The following DCC variants were observed in gnomAD, a reference collection of about 807,000 sequenced individuals.
DCC encodes netrin receptor DCC.
Under a neutral mutation model 172.5 loss-of-function variants are expected in DCC, and 58 were observed. That is an observed-to-expected ratio of 0.34 (90% CI 0.27 to 0.42). The LOEUF is 0.42. DCC is among the 10% of genes least tolerant of loss of function. DCC has a pLI of 1.00. For synonymous variants in DCC, 709 were observed against 644.5 expected (o/e 1.10, Z -1.52); for missense variants, 1,740 against 1,791.0 (o/e 0.97, Z 0.51).
chr18:53,158,760 G>C (rs1436513363), intron 8 of DCC, among the ~76,000 whole-genome samples: 1 of 152,042 alleles, frequency 6.6e-6, no homozygotes, highest in Non-Finnish European at 1.5e-5. Context: ...GGCAGGCTAA[G>C]TCAGGTGGCT....
chr18:52,968,522 G>T (rs1284133929), intron 5 of DCC, among the ~76,000 whole-genome samples: 1 of 152,022 alleles, frequency 6.6e-6, no homozygotes, highest in African/African-American at 2.4e-5. Context: ...AGGAGGCTCG[G>T]AGTCTCACTC....
chr18:52,484,662 A>C (rs562937421), intron 1 of DCC, among the ~76,000 whole-genome samples: 8 of 152,180 alleles, frequency 5.3e-5, no homozygotes, highest in African/African-American at 1.9e-4. Flanking sequence ...GCTAGGTACT[A>C]GTTCTTCTAT....
At chr18:53,281,641 A>G (rs1019471897) in intron 12 of DCC, among the ~76,000 whole-genome samples, 1 of 152,030 alleles carries the variant, frequency 6.6e-6, no homozygotes, top group Non-Finnish European at 1.5e-5. Context: ...ACTGGCTCAT[A>G]TGAGCCCATT....
intron 4 of DCC, 117 bp from the exon 5 acceptor site, chr18:52,925,115 TAC>T: frequency 4.0e-6 from 4 of 1,002,266 alleles, no homozygotes; most frequent in Non-Finnish European, 1.6e-6. Flanking sequence ...GCCCTTATGA[TAC>T]ACAGTTTCTT....
At chr18:52,349,326 T>C (rs1984016455) in intron 1 of DCC, among the ~76,000 whole-genome samples, 1 of 152,176 alleles carries the variant, frequency 6.6e-6, no homozygotes, top group Admixed American at 6.5e-5. Context: ...TCATTAGAGA[T>C]GTGAGCCAAG....
At chr18:52,721,750 C>G (rs1255301667) in intron 1 of DCC, among the ~76,000 whole-genome samples, 1 of 152,162 alleles carries the variant, frequency 6.6e-6, no homozygotes, top group Admixed American at 6.5e-5. Context: ...AATGGCCAGG[C>G]ACAGTGGCTC....
intron 24 of DCC, among the ~76,000 whole-genome samples, chr18:53,465,422 A>G (rs1383178278): frequency 6.6e-6 from 1 of 152,250 alleles, no homozygotes; most frequent in East Asian, 1.9e-4. Flanking sequence ...TCTGGCCTTC[A>G]TGATTCCTGA....
At chr18:53,162,242 T>C (rs9953629) in intron 8 of DCC, among the ~76,000 whole-genome samples, 59,832 of 148,886 alleles carry the variant, frequency 0.4, 12,867 homozygotes, top group East Asian at 0.7. Flanking sequence ...GAGATGGCAG[T>C]GAGCCGAGAT....
At chr18:52,708,508 A>T (rs2036246487) in intron 1 of DCC, among the ~76,000 whole-genome samples, 1 of 152,154 alleles carries the variant, frequency 6.6e-6, no homozygotes, top group Non-Finnish European at 1.5e-5. Flanking sequence ...ACTCTAGTAG[A>T]TAGGACCACA....
rs545855865 is a variant in DCC at position 53,528,322 on chromosome 18, C to T, written c.4254+1563C>T. 2.6e-5 allele frequency among the ~76,000 whole-genome samples: 4 copies of T among 152,172 alleles called. No individual in the cohort carries two copies. The South Asian group carries it at 6.2e-4, about 24-fold the overall frequency. ...TGTTTTGGCAGATGAGTGTTATCTACTTAACATGCTTTTCAAAGATTCAAA... is the reference window on the plus strand; with the variant it reads ...TGTTTTGGCAGATGAGTGTTATCTATTTAACATGCTTTTCAAAGATTCAAA... On this transcript the variant is annotated intron_variant, in intron 28 of 28. Transcript: ENST00000442544.
At chr18:52,778,410 A>C (rs1356782549) in intron 2 of DCC, among the ~76,000 whole-genome samples, 2 of 152,188 alleles carry the variant, frequency 1.3e-5, no homozygotes, top group Admixed American at 6.5e-5. Flanking sequence ...TTTCACTATT[A>C]AACTCTGTGA....
intron 1 of DCC, among the ~76,000 whole-genome samples, chr18:52,669,196 A>C (rs1364997317): frequency 6.6e-6 from 1 of 152,138 alleles, no homozygotes; most frequent in African/African-American, 2.4e-5. Context: ...GGGCCGCAAG[A>C]TTAGATGAGC....
chr18:52,912,561 G>T (rs1351167137), intron 3 of DCC, among the ~76,000 whole-genome samples: 23 of 151,872 alleles, frequency 1.5e-4, no homozygotes, highest in African/African-American at 5.6e-4. Context: ...GTAACTTATT[G>T]CTACATGATT....
intron 5 of DCC, among the ~76,000 whole-genome samples, chr18:52,981,973 A>C (rs1888944404): frequency 1.3e-5 from 2 of 152,158 alleles, no homozygotes; most frequent in Non-Finnish European, 2.9e-5. Context: ...CAGGCAGGAA[A>C]CCCAAAGAGT....
At position 52,379,282 on chromosome 18, in the gene DCC, A is replaced by T. The variant is rs577932862; in HGVS notation, c.91+38404A>T. ...TCAAAAACAGATTGGATACATGCCC[A>T]TTGCTTAGTGAGAAATCAAAGTGTA... On this transcript the variant is annotated intron_variant, in intron 1 of 28. Transcript: ENST00000442544. 3.9e-5 allele frequency among the ~76,000 whole-genome samples: 6 copies of T among 151,984 alleles called. No homozygotes were observed. The East Asian group carries it at 5.8e-4, about 15-fold the overall frequency.
chr18:53,040,760 A>C (rs1051872082), intron 5 of DCC, among the ~76,000 whole-genome samples: 4 of 151,950 alleles, frequency 2.6e-5, no homozygotes, highest in Non-Finnish European at 5.9e-5. Context: ...TCAAGGAACG[A>C]GTAACTCTGG....
At chr18:52,403,241 A>G (rs1264202342) in intron 1 of DCC, among the ~76,000 whole-genome samples, 1 of 152,054 alleles carries the variant, frequency 6.6e-6, no homozygotes, top group East Asian at 1.9e-4. Flanking sequence ...GGTATCTACA[A>G]GGTAGGCCAG....
intron 28 of DCC, among the ~76,000 whole-genome samples, chr18:53,527,613 T>C (rs952063839): frequency 6.6e-6 from 1 of 151,808 alleles, no homozygotes; most frequent in Non-Finnish European, 1.5e-5. Flanking sequence ...GAAAAAGTTT[T>C]ACTAAGGAAA....
At chr18:52,784,293 TACC>T (rs1044177065) in intron 2 of DCC, among the ~76,000 whole-genome samples, 10 of 152,264 alleles carry the variant, frequency 6.6e-5, no homozygotes, top group African/African-American at 2.4e-4. Flanking sequence ...TGTATTTTTA[TACC>T]ACATTTTCTT....
Sources: allele counts gnomAD v4.1 joint callset (sites outside exome capture counted in the v4.1 genomes callset), GRCh38; gene constraint gnomAD v4.1.1; transcripts MANE v1.5; gene names NCBI Gene and HGNC (gene_info 2026-07-23, HGNC 2026-07-21).